TRIO: variants seen among roughly 807,000 people sequenced by gnomAD.
TRIO encodes trio Rho guanine nucleotide exchange factor.
In TRIO, 58 loss-of-function variants were observed where a neutral mutation model predicts 351.9. The ratio of observed to expected loss-of-function variants is 0.16; its 90% CI spans 0.13 to 0.21. The LOEUF is 0.21. Ranked by LOEUF, TRIO falls within the 10% of genes least tolerant of loss-of-function variation. The pLI, the probability that TRIO is intolerant of heterozygous loss-of-function variation, is 1.00. For synonymous variants in TRIO, 1,758 were observed against 1,595.7 expected, an observed-to-expected ratio of 1.10 and a Z score of -2.42; for missense variants, 3,201 against 4,027.8, an observed-to-expected ratio of 0.79 and a Z score of 5.56.
At chr5:14,221,307 A>G (rs1792602960) in intron 1 of TRIO, among the ~76,000 whole-genome samples, 1 of 151,968 alleles carries the variant, frequency 6.6e-6, no homozygotes, top group African/African-American at 2.4e-5. Context: ...GTATAAGAAG[A>G]TTAATGTTGG....
At chr5:14,448,605 A>G (rs1407652831) in intron 34 of TRIO, among the ~76,000 whole-genome samples, 2 of 152,220 alleles carry the variant, frequency 1.3e-5, no homozygotes, top group Non-Finnish European at 2.9e-5. Flanking sequence ...GGCTGATGCG[A>G]CATCACCTTT....
intron 34 of TRIO, among the ~76,000 whole-genome samples, chr5:14,438,170 C>G (rs1480646564): frequency 6.6e-6 from 1 of 152,224 alleles, no homozygotes; most frequent in East Asian, 1.9e-4. Flanking sequence ...TGACGTTTGT[C>G]TCTGACCCAC....
intron 8 of TRIO, among the ~76,000 whole-genome samples, chr5:14,315,699 CT>C (rs61596416): frequency 3.4e-4 from 52 of 152,268 alleles, no homozygotes; most frequent in South Asian, 2.1e-3. Context: ...CTGATTGTCA[CT>C]TTTTTTCCCC....
At chr5:14,343,673 C>T (rs1388863538) in intron 11 of TRIO, among the ~76,000 whole-genome samples, 4 of 152,192 alleles carry the variant, frequency 2.6e-5, no homozygotes, top group Non-Finnish European at 5.9e-5. Flanking sequence ...TGGGGACATT[C>T]GAGTTATTTT....
At chr5:14,316,469 C>T in intron 8 of TRIO, 44 bp from the exon 9 acceptor site, 1 of 1,604,610 alleles carries the variant, frequency 6.2e-7, no homozygotes, top group Non-Finnish European at 8.5e-7. Context: ...CAGCCTAGGC[C>T]AAACCTCAGA....
chr5:14,336,769 G>A, intron 11 of TRIO, 42 bp downstream of exon 11: 5 of 1,604,392 alleles, frequency 3.1e-6, no homozygotes, highest in Non-Finnish European at 4.3e-6. Context: ...TGCTTGAAAG[G>A]GTCTTTGAAC....
chr5:14,483,755 C>T lies in TRIO; in HGVS notation c.6657+982C>T, dbSNP rs537732841. ...GGCTGCGGGCCCTCGCACCTCCCAC[C>T]ACCCGCCTGCCCCTCCAGACTCCGC... On this transcript the variant is annotated intron_variant, in intron 46 of 56. Transcript: ENST00000344204. 1.2e-3 allele frequency among the ~76,000 whole-genome samples: 189 copies of T among 152,286 alleles called. 1 individual carries two copies. Among genetic ancestry groups the T allele is most frequent in the African/African-American group, 4.2e-3 (176 of 41,552 alleles).
intron 1 of TRIO, among the ~76,000 whole-genome samples, chr5:14,189,961 C>T (rs914642275): frequency 6.6e-6 from 1 of 152,106 alleles, no homozygotes; most frequent in Non-Finnish European, 1.5e-5. Flanking sequence ...GGCTCAAGCA[C>T]TCCTCCCACC....
intron 1 of TRIO, among the ~76,000 whole-genome samples, chr5:14,166,176 C>G (rs2152122645): frequency 6.6e-6 from 1 of 152,338 alleles, no homozygotes; most frequent in Non-Finnish European, 1.5e-5. Context: ...GCATTAGCAC[C>G]TCACTACAGA....
rs760863953 is a variant in TRIO at position 14,399,083 on chromosome 5, G to A, written c.4614+13G>A. 5.4e-5 allele frequency: 87 copies of A among 1,609,738 alleles called. No homozygotes were observed. The highest frequency in any genetic ancestry group is 6.7e-5 in the Admixed American group (4 of 59,972). On this transcript the variant is annotated intron_variant, in intron 30 of 56. Coordinates refer to ENST00000344204, the MANE Select transcript of TRIO (RefSeq NM_007118.4). ...AAGCAAATTGTTTGTAAGTATAGGCGTTCAGAATTGTAAGTCTAAAGGTAA... is the reference window on the plus strand; with the variant it reads ...AAGCAAATTGTTTGTAAGTATAGGCATTCAGAATTGTAAGTCTAAAGGTAA...
chr5:14,197,790 A>T (rs953723100), intron 1 of TRIO, among the ~76,000 whole-genome samples: 40 of 152,322 alleles, frequency 2.6e-4, no homozygotes, highest in African/African-American at 7.5e-4. Context: ...GACTTGCAGA[A>T]GGCCAGTTGT....
chr5:14,363,163 T>C (rs1337622982), intron 13 of TRIO, among the ~76,000 whole-genome samples: 3 of 152,016 alleles, frequency 2.0e-5, no homozygotes, highest in Non-Finnish European at 4.4e-5. Context: ...CACGCCCAGC[T>C]AATTTTTGTA....
intron 1 of TRIO, among the ~76,000 whole-genome samples, chr5:14,208,971 C>T (rs1156672251): frequency 6.6e-6 from 1 of 152,208 alleles, no homozygotes; most frequent in Non-Finnish European, 1.5e-5. Flanking sequence ...GATTGTGATG[C>T]TGGTTGTGCA....
intron 2 of TRIO, among the ~76,000 whole-genome samples, chr5:14,279,531 A>G (rs911768217): frequency 6.6e-6 from 1 of 152,168 alleles, no homozygotes; most frequent in African/African-American, 2.4e-5. Context: ...TTCTTCCTCT[A>G]TTTTCCTGAC....
intron 11 of TRIO, among the ~76,000 whole-genome samples, chr5:14,349,747 CAG>C (rs1000115060): frequency 2.0e-5 from 3 of 152,180 alleles, no homozygotes; most frequent in African/African-American, 7.2e-5. Context: ...ATTTTAGATT[CAG>C]GGGTACATGT....
intron 53 of TRIO, among the ~76,000 whole-genome samples, chr5:14,500,452 A>G (rs1185041766): frequency 6.6e-6 from 1 of 152,164 alleles, no homozygotes; most frequent in Non-Finnish European, 1.5e-5. Context: ...GTAGCTGGTC[A>G]GAGTCTGGGC....
At chr5:14,277,683 C>G (rs1284132100) in intron 2 of TRIO, among the ~76,000 whole-genome samples, 1 of 152,200 alleles carries the variant, frequency 6.6e-6, no homozygotes, top group Non-Finnish European at 1.5e-5. Context: ...CTGCGTTATA[C>G]TCAGATGCTA....
At chr5:14,462,993 T>C in intron 36 of TRIO, 68 bp downstream of exon 36, 1 of 1,470,992 alleles carries the variant, frequency 6.8e-7, no homozygotes, top group Non-Finnish European at 9.0e-7. Flanking sequence ...CGGTAGCTGC[T>C]TCACACCAGC....
intron 7 of TRIO, among the ~76,000 whole-genome samples, 163 bp from the exon 8 acceptor site, chr5:14,304,298 G>C (rs1356492312): frequency 6.6e-6 from 1 of 152,232 alleles, no homozygotes; most frequent in Non-Finnish European, 1.5e-5. Flanking sequence ...TGGAGTCCAG[G>C]AGTCTCATGT....
Sources: allele counts gnomAD v4.1 joint callset (sites outside exome capture counted in the v4.1 genomes callset), GRCh38; gene constraint gnomAD v4.1.1; transcripts MANE v1.5; gene names NCBI Gene and HGNC (gene_info 2026-07-23, HGNC 2026-07-21).